The following QTGAL variants were observed in gnomAD, a reference collection of about 807,000 sequenced individuals.
QTGAL encodes the protein BGnT-like protein 1.
At chr17:82,980,028 C>T in the QTGAL span, among the ~76,000 whole-genome samples, 35 of 152,152 alleles carry the variant, frequency 2.3e-4, 1 homozygote, top group Middle Eastern at 0.014. Flanking sequence ...TAAGCCAAAA[C>T]GAACAAACAA....
chr17:82,958,450 G>C, the QTGAL span, among the ~76,000 whole-genome samples: 3 of 152,228 alleles, frequency 2.0e-5, no homozygotes, highest in Non-Finnish European at 4.4e-5. Flanking sequence ...GGCCTCCCCT[G>C]AGCAGGGCCC....
At chr17:83,005,357 C>G in the QTGAL span, 2 of 717,452 alleles carry the variant, frequency 2.8e-6, no homozygotes, top group South Asian at 1.8e-5. This position sits in a 1 kb window ranked among gnomAD's most constrained non-coding sequence, Gnocchi z 5.6. Flanking sequence ...AGGCAAACAC[C>G]GGGAGTCGAG....
the QTGAL span, among the ~76,000 whole-genome samples, chr17:82,999,619 A>G: frequency 4.6e-5 from 7 of 152,234 alleles, no homozygotes; most frequent in Non-Finnish European, 1.0e-4. Context: ...AAAGTAAGCT[A>G]GAGGAAAGAA....
At chr17:82,952,501 A>G in the QTGAL span, among the ~76,000 whole-genome samples, 2 of 152,250 alleles carry the variant, frequency 1.3e-5, no homozygotes, top group African/African-American at 4.8e-5. Flanking sequence ...CAATGCAACA[A>G]GAAGAGCTAA....
chr17:82,946,108 C>T, the QTGAL span, among the ~76,000 whole-genome samples: 2 of 151,992 alleles, frequency 1.3e-5, no homozygotes, highest in Non-Finnish European at 2.9e-5. Context: ...TAGTCACACA[C>T]AAACAGTTAA....
the QTGAL span, among the ~76,000 whole-genome samples, chr17:82,987,679 T>C: frequency 2.6e-5 from 4 of 152,246 alleles, no homozygotes; most frequent in Admixed American, 2.6e-4. Context: ...TGTAGACTTG[T>C]AGTATAGTTT....
the QTGAL span, among the ~76,000 whole-genome samples, chr17:82,992,929 T>C: frequency 1.3e-5 from 2 of 152,126 alleles, no homozygotes; most frequent in Non-Finnish European, 2.9e-5. Flanking sequence ...ATAATATTTG[T>C]AAGCCTGGTG....
the QTGAL span, among the ~76,000 whole-genome samples, chr17:82,970,363 G>T: frequency 6.6e-6 from 1 of 152,250 alleles, no homozygotes; most frequent in Non-Finnish European, 1.5e-5. Flanking sequence ...CGGATTTCAC[G>T]ATTACAAAGC....
chr17:83,015,512 G>A, the QTGAL span, among the ~76,000 whole-genome samples: 1 of 152,362 alleles, frequency 6.6e-6, no homozygotes, highest in African/African-American at 2.4e-5. This position sits in a 1 kb window ranked among gnomAD's most constrained non-coding sequence, Gnocchi z 4.4. Flanking sequence ...AGTGAAAGAA[G>A]CAAGACACAA....
At chr17:82,974,819 C>T in the QTGAL span, among the ~76,000 whole-genome samples, 29 of 152,222 alleles carry the variant, frequency 1.9e-4, no homozygotes, top group African/African-American at 6.5e-4. Flanking sequence ...AGTGTCTGCA[C>T]GGCGCAGACA....
the QTGAL span, among the ~76,000 whole-genome samples, chr17:82,997,163 T>C: frequency 6.6e-6 from 1 of 152,082 alleles, no homozygotes; most frequent in Admixed American, 6.5e-5. Context: ...AAGGGATTAA[T>C]AACCAGAACA....
the QTGAL span, among the ~76,000 whole-genome samples, chr17:83,041,978 AAC>A: frequency 6.6e-6 from 1 of 152,262 alleles, no homozygotes; most frequent in Non-Finnish European, 1.5e-5. Context: ...ATAGAGAAAG[AAC>A]AAATGAAGAA....
chr17:82,956,734 G>T, the QTGAL span: 1 of 1,590,790 alleles, frequency 6.3e-7, no homozygotes, highest in Non-Finnish European at 8.6e-7. The surrounding 1 kb of genome is among the most constrained non-coding windows in gnomAD (Gnocchi z 5.7). Flanking sequence ...GGGCGGCTCG[G>T]AAGTGCAGGA....
the QTGAL span, among the ~76,000 whole-genome samples, chr17:83,028,871 G>A: frequency 1.1e-3 from 173 of 152,242 alleles, 1 homozygote; most frequent in African/African-American, 4.0e-3. Flanking sequence ...AAACAATCTC[G>A]GTGCAGTCAC....
the QTGAL span, among the ~76,000 whole-genome samples, chr17:82,977,739 T>C: frequency 6.6e-6 from 1 of 152,166 alleles, no homozygotes; most frequent in South Asian, 2.1e-4. Flanking sequence ...GGCAGGACGG[T>C]GACGCCCGAG....
chr17:83,047,225 C>T, the QTGAL span, among the ~76,000 whole-genome samples: 1 of 152,198 alleles, frequency 6.6e-6, no homozygotes, highest in Non-Finnish European at 1.5e-5. Context: ...TCTTACAGAG[C>T]AGGAGGGGTG....
chr17:82,974,385 G>GC, the QTGAL span, among the ~76,000 whole-genome samples: 1 of 152,332 alleles, frequency 6.6e-6, no homozygotes, highest in Admixed American at 6.5e-5. Flanking sequence ...GAGGCCCAGG[G>GC]CCCAGAGGTG....
the QTGAL span, among the ~76,000 whole-genome samples, chr17:82,963,233 TGGAGACTC>T: frequency 6.6e-6 from 1 of 152,118 alleles, no homozygotes; most frequent in African/African-American, 2.4e-5. Flanking sequence ...CCAGAGGCTG[TGGAGACTC>T]GGATCCTGAG....
chr17:82,966,416 G>A, the QTGAL span, among the ~76,000 whole-genome samples: 1 of 152,128 alleles, frequency 6.6e-6, no homozygotes, highest in Non-Finnish European at 1.5e-5. Flanking sequence ...GCACAATTTT[G>A]AAAACCATGA....
Sources: gnomAD v4.1 joint callset for allele counts (sites outside exome capture counted in the v4.1 genomes callset) on GRCh38, gnomAD v4.1.1 for gene constraint, Gnocchi (gnomAD v3.1) non-coding constraint, MANE v1.5 for transcripts, NCBI Gene and HGNC (gene_info 2026-07-23, HGNC 2026-07-21) for gene names.